Variants in MAST1 observed in about 807,000 individuals in gnomAD.
MAST1 encodes microtubule associated serine/threonine kinase 1.
A neutral mutation model predicts 124.6 loss-of-function variants in MAST1; 40 were observed. The ratio of observed to expected loss-of-function variants is 0.32; its 90% CI spans 0.25 to 0.42. The LOEUF is 0.42. MAST1 is among the 10% of genes least tolerant of loss of function. The pLI is 1.00. For missense variants in MAST1, 1,558 were observed against 2,181.9 expected (o/e 0.71, Z 5.70); for synonymous variants, 938 against 939.4 (o/e 1.00, Z 0.03).
Position 12,838,789 on chromosome 19 carries a change from C to T in MAST1, c.83+134C>T, listed in dbSNP as rs1013806693. ...CAGAGGTGCCCCAGCTGCGCCTTCC[C>T]GCCGGGGTTGGGGTTGAATGGGGGG... On this transcript the variant is annotated intron_variant, in intron 1 of 25. Coordinates refer to ENST00000251472, the MANE Select transcript of MAST1 (RefSeq NM_014975.3). This position sits in a 1 kb window ranked among gnomAD's most constrained non-coding sequence, Gnocchi z 4.3. 1.6e-5 allele frequency: 12 copies of T among 736,628 alleles called. No individual in the cohort carries two copies. The East Asian group carries it at 2.5e-4, about 15-fold the overall frequency. 45.6% of individuals were successfully genotyped at this position (736,628 alleles called of 1,614,324 possible).
Position 12,853,730 on chromosome 19 carries a change from C to T in MAST1, c.1077+1335C>T, listed in dbSNP as rs553545464. Among the ~76,000 whole-genome samples, 529 of 151,408 alleles carry T rather than the reference C, an allele frequency of 3.5e-3. 2 individuals carry two copies. The highest frequency in any genetic ancestry group is 0.012 in the African/African-American group (503 of 41,300). On this transcript the variant is annotated intron_variant, in intron 10 of 25. Transcript: ENST00000251472. ...TAAAAATACAAAAAAATTAGTTGGG[C>T]GTGGTGGCACATGCCTGTAATCCCA... is the stretch of plus-strand genomic sequence containing the variant.
At chr19:12,844,142 C>G (rs1969864003) in intron 4 of MAST1, among the ~76,000 whole-genome samples, 1 of 152,196 alleles carries the variant, frequency 6.6e-6, no homozygotes, top group South Asian at 2.1e-4. Flanking sequence ...AGGGTCCTTC[C>G]TACTCATTTC....
chr19:12,847,247 G>T lies in MAST1; in HGVS notation c.328-43G>T. 7.1e-7 allele frequency: 1 copy of T among 1,402,042 alleles called. No individual in the cohort carries two copies. The highest frequency in any genetic ancestry group is 1.0e-6 in the Non-Finnish European group (1 of 998,984). The allele number at this position is 1,402,042 out of a possible 1,614,324, so 86.9% of individuals were successfully genotyped here. On this transcript the variant is annotated intron_variant, in intron 4 of 25. Coordinates refer to ENST00000251472, the MANE Select transcript of MAST1 (RefSeq NM_014975.3). This position sits in a 1 kb window ranked among gnomAD's most constrained non-coding sequence, Gnocchi z 5.5. ...CAGCTCAGGGTCCTGAGCTGTTGGG[G>T]GGCCCATGGTGGCTCTGACCCCGGC... is the stretch of plus-strand genomic sequence containing the variant.
chr19:12,863,449 C>T (rs931008454), intron 12 of MAST1, among the ~76,000 whole-genome samples: 4 of 152,114 alleles, frequency 2.6e-5, no homozygotes, highest in Non-Finnish European at 2.9e-5. Flanking sequence ...AAATCATTAG[C>T]TTTCTTGGTC....
chr19:12,862,297 G>A (rs1236617499), intron 12 of MAST1, among the ~76,000 whole-genome samples: 3 of 151,982 alleles, frequency 2.0e-5, no homozygotes, highest in Non-Finnish European at 4.4e-5. Context: ...GAATCACTGC[G>A]CCCAGCCTTG....
Position 12,864,442 on chromosome 19 carries a change from G to A in MAST1, c.1367-367G>A, listed in dbSNP as rs997541307. 2.0e-5 allele frequency among the ~76,000 whole-genome samples: 3 copies of A among 151,870 alleles called. 1 individual carries two copies. Among genetic ancestry groups the A allele is most frequent in the Non-Finnish European group, 4.4e-5 (3 of 67,976 alleles). ...TGAAGACCAAGAATCTGCATCTAAGGCTTCCAGCTCCAAGGTTCAGACACC... is the reference window on the plus strand; with the variant it reads ...TGAAGACCAAGAATCTGCATCTAAGACTTCCAGCTCCAAGGTTCAGACACC... On this transcript the variant is annotated intron_variant, in intron 12 of 25. Transcript: ENST00000251472.
rs756328704 is a variant in MAST1, at chr19:12,841,091, C to T, written c.248+25C>T. The T allele has an allele frequency of 1.7e-5, 21 of 1,230,468 alleles. No individual in the cohort carries two copies. The highest frequency in any genetic ancestry group is 2.5e-5 in the Non-Finnish European group (21 of 831,470). 76.2% of individuals were successfully genotyped at this position (1,230,468 alleles called of 1,614,324 possible). ...GGTGAGTCCCTCCCCTCCAGGGCCC[C>T]AGAACCCTGGGCAGACCCTCCCCAA... On this transcript the variant is annotated intron_variant, in intron 3 of 25. Transcript: ENST00000251472. The surrounding 1 kb of genome is among the most constrained non-coding windows in gnomAD (Gnocchi z 4.3).
chr19:12,843,474 G>T lies in MAST1; in HGVS notation c.249-55G>T. The T allele has an allele frequency of 7.0e-7, 1 of 1,421,142 alleles. No homozygotes were observed. The highest frequency in any genetic ancestry group is 1.2e-5 in the South Asian group (1 of 86,288). 88.0% of individuals were successfully genotyped at this position (1,421,142 alleles called of 1,614,324 possible). Reference sequence around the variant, plus strand: ...CCAGTGGCTTCACCCACACCCTGAGGAGTTGGGGGACCGCTGGGGCCTTGT... The same window carrying T: ...CCAGTGGCTTCACCCACACCCTGAGTAGTTGGGGGACCGCTGGGGCCTTGT... On this transcript the variant is annotated intron_variant, in intron 3 of 25. Coordinates refer to ENST00000251472, the MANE Select transcript of MAST1 (RefSeq NM_014975.3). This position sits in a 1 kb window ranked among gnomAD's most constrained non-coding sequence, Gnocchi z 4.9.
intron 4 of MAST1, among the ~76,000 whole-genome samples, chr19:12,846,894 A>AAG: frequency 6.7e-6 from 1 of 150,054 alleles, no homozygotes; most frequent in East Asian, 2.0e-4. Context: ...AAAAAAAAAA[A>AAG]GAAGGCCACT....
intron 21 of MAST1, 59 bp from the exon 22 acceptor site, chr19:12,869,007 A>G: frequency 1.3e-6 from 2 of 1,576,222 alleles, no homozygotes; most frequent in Non-Finnish European, 1.7e-6. Flanking sequence ...GGAGGAGCAG[A>G]TACAGGGAGA....
At position 12,841,087 on chromosome 19, in the gene MAST1, GC is replaced by G; in HGVS notation, c.248+25del. 4 of 1,321,470 alleles carry G rather than the reference GC, an allele frequency of 3.0e-6. No homozygotes were observed. Among genetic ancestry groups the G allele is most frequent in the Non-Finnish European group, 4.4e-6 (4 of 914,362 alleles). The allele number at this position is 1,321,470 out of a possible 1,614,324, so 81.9% of individuals were successfully genotyped here. A position where few individuals can be genotyped will look rare whatever the true frequency, so the allele number is the denominator to read the frequency against. Reference sequence around the variant, plus strand: ...CGAAGGTGAGTCCCTCCCCTCCAGGGCCCCAGAACCCTGGGCAGACCCTCCC... The same window carrying G: ...CGAAGGTGAGTCCCTCCCCTCCAGGGCCCAGAACCCTGGGCAGACCCTCCC... On this transcript the variant is annotated intron_variant, in intron 3 of 25. Coordinates refer to ENST00000251472, the MANE Select transcript of MAST1 (RefSeq NM_014975.3). The surrounding 1 kb of genome is among the most constrained non-coding windows in gnomAD (Gnocchi z 4.3).
rs1970298972 is a variant in MAST1, at chr19:12,874,938, G to A, written c.*68G>A. On this transcript the variant is annotated 3_prime_UTR_variant, in exon 26 of 26. Transcript: ENST00000251472. The surrounding 1 kb of genome is among the most constrained non-coding windows in gnomAD (Gnocchi z 6.6). ...ATATGTACACATATAAATAAAGTGCGTCCGTGCTGCGTGAGTTTTCTGGGG... is the reference window on the plus strand; with the variant it reads ...ATATGTACACATATAAATAAAGTGCATCCGTGCTGCGTGAGTTTTCTGGGG... The A allele has an allele frequency of 1.3e-6, 2 of 1,520,786 alleles. No homozygotes were observed. Among genetic ancestry groups the A allele is most frequent in the South Asian group, 2.4e-5 (2 of 83,496 alleles). 94.2% of individuals were successfully genotyped at this position (1,520,786 alleles called of 1,614,324 possible).
In MAST1 at chr19:12,865,703, G is replaced by T; in HGVS notation, c.1805-14G>T. ...ACAACAAAAACCGCCCCTAAGTTCC[G>T]TTTTGTTTTGCAGATGACATCCTGT... On this transcript the variant is annotated splice_polypyrimidine_tract_variant and intron_variant, in intron 15 of 25. Coordinates refer to ENST00000251472, the MANE Select transcript of MAST1 (RefSeq NM_014975.3). The surrounding 1 kb of genome is among the most constrained non-coding windows in gnomAD (Gnocchi z 7.1). The T allele has an allele frequency of 6.3e-7, 1 of 1,599,722 alleles. No individual in the cohort carries two copies. Among genetic ancestry groups the T allele is most frequent in the African/African-American group, 1.3e-5 (1 of 74,312 alleles).
chr19:12,846,728 A>G (rs7259590), intron 4 of MAST1, among the ~76,000 whole-genome samples: 51,013 of 151,874 alleles, frequency 0.34, 9,169 homozygotes, highest in East Asian at 0.63. Flanking sequence ...AATACAAAAA[A>G]TTAGCCAGGC....
At position 12,838,942 on chromosome 19, in the gene MAST1, T is replaced by G. The variant is rs1300666819; in HGVS notation, c.83+287T>G. 3.6e-5 allele frequency among the ~76,000 whole-genome samples: 5 copies of G among 140,482 alleles called. No individual in the cohort carries two copies. The highest frequency in any genetic ancestry group is 2.3e-4 in the South Asian group (1 of 4,372). 92.2% of individuals were successfully genotyped at this position (140,482 alleles called of 152,430 possible). On this transcript the variant is annotated intron_variant, in intron 1 of 25. Coordinates refer to ENST00000251472, the MANE Select transcript of MAST1 (RefSeq NM_014975.3). The surrounding 1 kb of genome is among the most constrained non-coding windows in gnomAD (Gnocchi z 4.3). ...GCGGGCTCCAACAGCCTGGTGGGGG[T>G]AGAGGAAGAAGGGGAGGCTGGGGGG...
intron 10 of MAST1, among the ~76,000 whole-genome samples, chr19:12,853,302 G>C (rs1257539535): frequency 6.6e-6 from 1 of 151,814 alleles, no homozygotes; most frequent in Non-Finnish European, 1.5e-5. Flanking sequence ...ACAATTCGGG[G>C]CCGGGTGCAG....
rs547473767 is a variant in MAST1 at position 12,861,902 on chromosome 19, C to G, written c.1367-2907C>G. Reference sequence around the variant, plus strand: ...ATTTTTAGTAGAGATGGGGTTTCATCATGTTGGTCAGGCTGGTCTCAAACT... The same window carrying G: ...ATTTTTAGTAGAGATGGGGTTTCATGATGTTGGTCAGGCTGGTCTCAAACT... On this transcript the variant is annotated intron_variant, in intron 12 of 25. Transcript: ENST00000251472. Among the ~76,000 whole-genome samples, 3 of 151,716 alleles carry G rather than the reference C, an allele frequency of 2.0e-5. No individual in the cohort carries two copies. In the East Asian group the frequency reaches 5.8e-4, roughly 29 times the overall value.
chr19:12,841,112 C>T lies in MAST1; in HGVS notation c.248+46C>T. On this transcript the variant is annotated intron_variant, in intron 3 of 25. Coordinates refer to ENST00000251472, the MANE Select transcript of MAST1 (RefSeq NM_014975.3). This position sits in a 1 kb window ranked among gnomAD's most constrained non-coding sequence, Gnocchi z 4.3. ...GCCCCAGAACCCTGGGCAGACCCTC[C>T]CCAACCACTGTCTGGGCCGCCATCT... 1 of 896,466 alleles carries T rather than the reference C, an allele frequency of 1.1e-6. No individual in the cohort carries two copies. Among genetic ancestry groups the T allele is most frequent in the Non-Finnish European group, 1.9e-6 (1 of 533,780 alleles). 55.5% of individuals were successfully genotyped at this position (896,466 alleles called of 1,614,324 possible). A position where few individuals can be genotyped will look rare whatever the true frequency, so the allele number is the denominator to read the frequency against.
At position 12,871,022 on chromosome 19, in the gene MAST1, C is replaced by A. The variant is rs777606310; in HGVS notation, c.3127-14C>A. 1.9e-6 allele frequency: 3 copies of A among 1,614,018 alleles called. No individual in the cohort carries two copies. The highest frequency in any genetic ancestry group is 1.3e-5 in the African/African-American group (1 of 74,926). ...CAGCCCCTAGCAGAGCATTTTCCCG[C>A]ATTCTTCCCCCAGAGTGGCAACAAG... is the stretch of plus-strand genomic sequence containing the variant. On this transcript the variant is annotated splice_polypyrimidine_tract_variant and intron_variant, in intron 23 of 25. Coordinates refer to ENST00000251472, the MANE Select transcript of MAST1 (RefSeq NM_014975.3).
Sources: gnomAD v4.1 joint callset for allele counts (sites outside exome capture counted in the v4.1 genomes callset) on GRCh38, gnomAD v4.1.1 for gene constraint, Gnocchi (gnomAD v3.1) non-coding constraint, MANE v1.5 for transcripts, NCBI Gene and HGNC (gene_info 2026-07-23, HGNC 2026-07-21) for gene names.